Variants in FREM3 observed in about 807,000 individuals in gnomAD.
The protein encoded by FREM3 is FRAS1-related extracellular matrix protein 3.
In FREM3, 105 loss-of-function variants were observed where a neutral mutation model predicts 129.1. The ratio of observed to expected loss-of-function variants is 0.81; its 90% CI spans 0.69 to 0.96. The LOEUF is 0.96. FREM3 is among the 40% of genes least tolerant of loss of function. The pLI is 0.00. For missense variants in FREM3, 2,593 were observed against 2,666.3 expected (o/e 0.97, Z 0.61); for synonymous variants, 1,014 against 1,044.9 (o/e 0.97, Z 0.57).
rs1379344737 is a variant in FREM3, at chr4:143,698,851, A to T, written c.1825T>A (p.Tyr609Asn). The T allele has an allele frequency of 6.5e-7, 1 of 1,537,724 alleles. No individual in the cohort carries two copies. Among genetic ancestry groups the T allele is most frequent in the Non-Finnish European group, 8.7e-7 (1 of 1,147,026 alleles). ...TGCTGCAGCAACAGGTCCCCCAGGT[A>T]GTGGCCTGAGTGGGAGGAACCAGGG... ...LAPGSSHSGH[Y>N]LGDLLLQQAE... is the part of the protein sequence containing the mutation. The change falls in exon 1 of 8, where the codon TAC becomes AAC. Residue 609 changes from tyrosine to asparagine, a missense_variant. Tyr to Asn is a moderately radical substitution (Grantham distance 143). Coordinates refer to ENST00000329798, the MANE Select transcript of FREM3 (RefSeq NM_001168235.2).
intron 6 of FREM3, among the ~76,000 whole-genome samples, chr4:143,609,161 C>T (rs1738714503): frequency 6.6e-6 from 1 of 152,122 alleles, no homozygotes; most frequent in Admixed American, 6.6e-5. Context: ...GTGTCTCAGG[C>T]TTAGAATCCA....
intron 6 of FREM3, among the ~76,000 whole-genome samples, chr4:143,599,562 T>A (rs1045540644): frequency 6.6e-6 from 1 of 152,190 alleles, no homozygotes; most frequent in African/African-American, 2.4e-5. Flanking sequence ...TAGAGGATTA[T>A]GGTAGGAGGT....
At chr4:143,652,030 A>AT (rs904144969) in intron 2 of FREM3, among the ~76,000 whole-genome samples, 17 of 151,526 alleles carry the variant, frequency 1.1e-4, no homozygotes, top group African/African-American at 3.9e-4. Context: ...ACATCTTACC[A>AT]TTTTGTGCTT....
rs555247726 is a variant in FREM3, at chr4:143,591,469, C to T, written c.6029-5476G>A. On this transcript the variant is annotated intron_variant, in intron 6 of 7. Coordinates refer to ENST00000329798, the MANE Select transcript of FREM3 (RefSeq NM_001168235.2). ...TGTTCTCATTGGTTTCAAAGAACAT[C>T]TTCATTTCTGCCTTCATTTCGTTAT... 3.9e-5 allele frequency among the ~76,000 whole-genome samples: 6 copies of T among 152,286 alleles called. No individual in the cohort carries two copies. The South Asian group carries it at 1.2e-3, about 32-fold the overall frequency.
intron 7 of FREM3, among the ~76,000 whole-genome samples, chr4:143,579,212 G>A (rs1001898191): frequency 6.6e-6 from 1 of 152,156 alleles, no homozygotes; most frequent in Non-Finnish European, 1.5e-5. Flanking sequence ...TCAGCACTTT[G>A]GGAGGCCGAT....
chr4:143,642,768 A>G (rs1227651975), intron 2 of FREM3, among the ~76,000 whole-genome samples: 1 of 152,198 alleles, frequency 6.6e-6, no homozygotes, highest in Non-Finnish European at 1.5e-5. Flanking sequence ...CAGGCAATGA[A>G]AGCAAAAATA....
intron 2 of FREM3, among the ~76,000 whole-genome samples, chr4:143,657,757 G>C (rs1298367471): frequency 6.6e-6 from 1 of 151,932 alleles, no homozygotes; most frequent in Non-Finnish European, 1.5e-5. Flanking sequence ...CTAATTTTAG[G>C]TTAAAAAAGG....
rs190762543 is a variant in FREM3 at position 143,664,896 on chromosome 4, T to C, written c.5275+28217A>G. Among the ~76,000 whole-genome samples the C allele has an allele frequency of 1.9e-3, 294 of 152,242 alleles. 4 individuals are homozygous for C. The highest frequency in any genetic ancestry group is 3.0e-3 in the Non-Finnish European group (203 of 68,000). ...TGGGCGTAGGACCCTCCAAGTCAGG[T>C]GCGGGATATAATCTCCTAGTGCACC... On this transcript the variant is annotated intron_variant, in intron 2 of 7. Coordinates refer to ENST00000329798, the MANE Select transcript of FREM3 (RefSeq NM_001168235.2).
rs1440295761 is a variant in FREM3, at chr4:143,696,736, C to T, written c.3940G>A (p.Gly1314Arg). 3.3e-6 allele frequency: 5 copies of T among 1,537,866 alleles called. No individual in the cohort carries two copies. Among genetic ancestry groups the T allele is most frequent in the South Asian group, 1.2e-5 (1 of 84,042 alleles). Residue 1314 changes from glycine to arginine, a missense_variant, in exon 1 of 8, where the codon GGG (glycine) becomes AGG (arginine). By Grantham distance (125) the Gly-to-Arg change is moderately radical (BLOSUM62 -2). Transcript: ENST00000329798. ...DETPHLTVNNGLKVEKGHSEI... is the reference protein window; with the variant it reads ...DETPHLTVNNRLKVEKGHSEI... ...GAGTGTCCTTTCTCTACCTTCAGCC[C>T]ATTGTTGACAGTCAGGTGAGGAGTT...
intron 2 of FREM3, among the ~76,000 whole-genome samples, chr4:143,643,809 A>G (rs1482296336): frequency 6.6e-6 from 1 of 152,110 alleles, no homozygotes; most frequent in Non-Finnish European, 1.5e-5. Flanking sequence ...ACTAGAAGAG[A>G]GGCTTTTGAA....
At chr4:143,653,427 G>A (rs1189761142) in intron 2 of FREM3, among the ~76,000 whole-genome samples, 2 of 152,180 alleles carry the variant, frequency 1.3e-5, no homozygotes, top group Non-Finnish European at 2.9e-5. Context: ...CGTGTCATGT[G>A]GCTCTTTTAA....
chr4:143,600,223 A>G (rs1578829318), intron 6 of FREM3, among the ~76,000 whole-genome samples: 1 of 64,964 alleles, frequency 1.5e-5, no homozygotes, highest in Non-Finnish European at 4.5e-5. Flanking sequence ...TAAGTGAAGT[A>G]AACTCAGGAA....
chr4:143,661,273 A>T (rs965523466), intron 2 of FREM3, among the ~76,000 whole-genome samples: 6 of 152,156 alleles, frequency 3.9e-5, no homozygotes, highest in Non-Finnish European at 7.3e-5. Context: ...TACCTAATTT[A>T]TTGAGAGTTT....
intron 6 of FREM3, among the ~76,000 whole-genome samples, chr4:143,586,277 T>C (rs1738242736): frequency 6.6e-6 from 1 of 152,028 alleles, no homozygotes; most frequent in South Asian, 2.1e-4. Flanking sequence ...ATAGAAGAGA[T>C]TTTCCTATTA....
In FREM3 at chr4:143,577,630, G is replaced by A; in HGVS notation, c.6401C>T (p.Ala2134Val). ...AGTCTTTCAATCAAAGGAACTACAAGCACTCTGCTTACAGTCCGTGATGGT... is the reference window on the plus strand; with the variant it reads ...AGTCTTTCAATCAAAGGAACTACAAACACTCTGCTTACAGTCCGTGATGGT... The part of the protein sequence containing the change: ...EDTITDCKQS[A>V]CSSFD The change falls in exon 8 of 8, where the codon GCT becomes GTT. Residue 2134 changes from alanine (A) to valine (V), a missense_variant. Coordinates refer to ENST00000329798, the MANE Select transcript of FREM3 (RefSeq NM_001168235.2). The A allele has an allele frequency of 6.5e-7, 1 of 1,537,190 alleles. No homozygotes were observed. The highest frequency in any genetic ancestry group is 8.7e-7 in the Non-Finnish European group (1 of 1,146,826).
intron 3 of FREM3, among the ~76,000 whole-genome samples, chr4:143,625,495 A>G (rs1286181363): frequency 1.3e-5 from 2 of 152,246 alleles, no homozygotes; most frequent in Non-Finnish European, 2.9e-5. Context: ...GCCTTTGCAA[A>G]TCTGCTGAAG....
intron 6 of FREM3, among the ~76,000 whole-genome samples, chr4:143,590,317 G>A (rs1312045216): frequency 6.6e-6 from 1 of 152,166 alleles, no homozygotes; most frequent in Non-Finnish European, 1.5e-5. Flanking sequence ...TCTTGTGCCA[G>A]TTTTCAAAGG....
In FREM3 at chr4:143,696,381, T is replaced by C; in HGVS notation, c.4295A>G (p.Lys1432Arg). 1.3e-6 allele frequency: 2 copies of C among 1,537,428 alleles called. No individual in the cohort carries two copies. The highest frequency in any genetic ancestry group is 1.7e-6 in the Non-Finnish European group (2 of 1,146,922). ...LDSVFPEVISKRITLIEGARV... is the reference protein window; with the variant it reads ...LDSVFPEVISRRITLIEGARV... ...GGCACCTTCTATCAAGGTGATCCTT[T>C]TGCTGATTACCTCAGGGAAGACGCT... Residue 1432 changes from lysine to arginine, a missense_variant, in exon 1 of 8, where the codon AAA becomes AGA. Coordinates refer to ENST00000329798, the MANE Select transcript of FREM3 (RefSeq NM_001168235.2).
At chr4:143,631,117 A>G (rs1302051140) in intron 2 of FREM3, among the ~76,000 whole-genome samples, 1 of 152,158 alleles carries the variant, frequency 6.6e-6, no homozygotes, top group East Asian at 1.9e-4. Flanking sequence ...TGTATTGGTC[A>G]TATCCTACAA....
Sources: gnomAD v4.1 joint callset for allele counts (sites outside exome capture counted in the v4.1 genomes callset) on GRCh38, gnomAD v4.1.1 for gene constraint, MANE v1.5 for transcripts, NCBI Gene and HGNC (gene_info 2026-07-23, HGNC 2026-07-21) for gene names.